ATP2C1: variants seen among roughly 807,000 people sequenced by gnomAD.
ATP2C1 encodes calcium-transporting ATPase type 2C member 1.
ATP2C1 carries 31 observed loss-of-function variants against 120.5 expected under a neutral mutation model. The observed-to-expected ratio is 0.26, with a 90% CI of 0.19 to 0.35. The LOEUF (loss-of-function observed/expected upper bound fraction) is 0.35, where lower values mean the gene tolerates loss of function less well. Ranked by LOEUF, ATP2C1 falls within the 10% of genes least tolerant of loss-of-function variation. ATP2C1 has a pLI of 1.00. For missense variants in ATP2C1, 731 were observed against 1,107.5 expected (o/e 0.66, Z 4.83); for synonymous variants, 351 against 358.7 (o/e 0.98, Z 0.24).
chr3:131,010,885 T>G (rs954372600), intron 26 of ATP2C1, among the ~76,000 whole-genome samples: 1 of 152,234 alleles, frequency 6.6e-6, no homozygotes, highest in African/African-American at 2.4e-5. Context: ...CCCACATTCC[T>G]TGCTTTGCCC....
At chr3:130,928,096 C>T (rs567844028) in intron 2 of ATP2C1, 17 of 152,474 alleles carry the variant, frequency 1.1e-4, no homozygotes, top group African/African-American at 3.8e-4. Context: ...CACTCTTCAT[C>T]TCCTTGTATT....
At chr3:130,880,715 CT>C (rs1226534311) in intron 1 of ATP2C1, among the ~76,000 whole-genome samples, 1 of 152,184 alleles carries the variant, frequency 6.6e-6, no homozygotes, top group Non-Finnish European at 1.5e-5. Flanking sequence ...CAAAAACCAT[CT>C]CATTGATATG....
chr3:130,889,358 T>C (rs550345910), upstream of ATP2C1, among the ~76,000 whole-genome samples: 2 of 152,320 alleles, frequency 1.3e-5, no homozygotes, highest in East Asian at 3.9e-4. Context: ...GGACCTAGTG[T>C]ACAATGCTTT....
At chr3:130,929,626 G>A (rs759733815) in intron 2 of ATP2C1, among the ~76,000 whole-genome samples, 4 of 152,158 alleles carry the variant, frequency 2.6e-5, no homozygotes, top group Non-Finnish European at 5.9e-5. Flanking sequence ...GGCAGCTTTT[G>A]TCTCCCTTCT....
At chr3:130,983,648 T>C (rs892653079) in intron 20 of ATP2C1, among the ~76,000 whole-genome samples, 1 of 152,250 alleles carries the variant, frequency 6.6e-6, no homozygotes, top group African/African-American at 2.4e-5. Context: ...TGAAAATCCC[T>C]GTGTTTGACG....
chr3:130,872,055 G>A (rs1038308486), intron 1 of ATP2C1, among the ~76,000 whole-genome samples: 10 of 150,888 alleles, frequency 6.6e-5, no homozygotes, highest in Middle Eastern at 3.5e-3. Flanking sequence ...TTTAAGCAAT[G>A]TCTTGGCCCT....
chr3:130,923,185 T>C (rs2059041877), intron 2 of ATP2C1, among the ~76,000 whole-genome samples: 1 of 152,134 alleles, frequency 6.6e-6, no homozygotes, highest in Admixed American at 6.5e-5. Flanking sequence ...ATTTTCCTGT[T>C]GTACTAGTCC....
At chr3:130,991,306 T>C in intron 20 of ATP2C1, among the ~76,000 whole-genome samples, 1 of 152,180 alleles carries the variant, frequency 6.6e-6, no homozygotes, top group Non-Finnish European at 1.5e-5. Context: ...GAAATGACTG[T>C]AGGCATTAGC....
chr3:130,994,303 A>T (rs1360642683), intron 22 of ATP2C1, among the ~76,000 whole-genome samples: 1 of 152,220 alleles, frequency 6.6e-6, no homozygotes, highest in African/African-American at 2.4e-5. Flanking sequence ...CAGGACCCTC[A>T]TTTAAGAAGT....
intron 2 of ATP2C1, among the ~76,000 whole-genome samples, chr3:130,917,471 T>C (rs1301700555): frequency 6.6e-6 from 1 of 152,216 alleles, no homozygotes; most frequent in Non-Finnish European, 1.5e-5. Context: ...TGCAATTGTG[T>C]TTAACACATA....
chr3:131,014,814 G>A (rs1036995035), intron 26 of ATP2C1, among the ~76,000 whole-genome samples: 13 of 152,150 alleles, frequency 8.5e-5, no homozygotes, highest in Admixed American at 2.6e-4. Flanking sequence ...AATAGAAGAT[G>A]GGATTAATTG....
At chr3:130,995,992 A>G (rs1560029386) in intron 22 of ATP2C1, 51 bp from the exon 23 acceptor site, 2 of 1,203,188 alleles carry the variant, frequency 1.7e-6, no homozygotes, top group Admixed American at 1.7e-5. Context: ...GTATAGATAC[A>G]TTTTTGTATG....
At chr3:130,885,914 C>T (rs886736155) in intron 1 of ATP2C1, among the ~76,000 whole-genome samples, 1 of 152,082 alleles carries the variant, frequency 6.6e-6, no homozygotes, top group Non-Finnish European at 1.5e-5. Flanking sequence ...TAGATAAACA[C>T]GTCATGAGGG....
chr3:130,982,270 AC>A (rs1288525069), intron 20 of ATP2C1, among the ~76,000 whole-genome samples: 2 of 152,206 alleles, frequency 1.3e-5, no homozygotes, highest in Non-Finnish European at 2.9e-5. Context: ...TGTTGAAAAG[AC>A]TGTCCTTTTT....
intron 2 of ATP2C1, among the ~76,000 whole-genome samples, chr3:130,897,226 A>G (rs1559893775): frequency 6.6e-6 from 1 of 152,186 alleles, no homozygotes; most frequent in Non-Finnish European, 1.5e-5. Flanking sequence ...TTTCTATGGC[A>G]TTAGTGCTTT....
At chr3:130,954,469 G>A (rs9829435) in intron 9 of ATP2C1, among the ~76,000 whole-genome samples, 11,173 of 152,102 alleles carry the variant, frequency 0.073, 566 homozygotes, top group Non-Finnish European at 0.11. Context: ...GCAAAAAATA[G>A]GCCTCAGAAT....
chr3:130,956,008 G>A, intron 10 of ATP2C1, 96 bp from the exon 11 acceptor site: 1 of 807,592 alleles, frequency 1.2e-6, no homozygotes, highest in Non-Finnish European at 2.2e-6. Flanking sequence ...GGTTAACTTA[G>A]GAATTGCTTT....
chr3:130,947,286 T>C (rs1312778922), intron 8 of ATP2C1, among the ~76,000 whole-genome samples: 1 of 152,216 alleles, frequency 6.6e-6, no homozygotes, highest in Non-Finnish European at 1.5e-5. Flanking sequence ...TTTTTTGAGA[T>C]ATAATGTGCA....
Position 130,999,508 on chromosome 3 carries a change from C to T in ATP2C1, c.2488-10C>T. ...AGGAGTAATAAATGAACTCTCTGCT[C>T]TGCCAACAGACCAAGTCTGTGTTTG... On this transcript the variant is annotated splice_polypyrimidine_tract_variant and intron_variant, in intron 26 of 27. Coordinates refer to ENST00000510168, the MANE Select transcript of ATP2C1 (RefSeq NM_001378687.1). 2 of 1,613,414 alleles carry T rather than the reference C, an allele frequency of 1.2e-6. No homozygotes were observed. Among genetic ancestry groups the T allele is most frequent in the Non-Finnish European group, 1.7e-6 (2 of 1,179,606 alleles).
Sources: allele counts gnomAD v4.1 joint callset (sites outside exome capture counted in the v4.1 genomes callset), GRCh38; gene constraint gnomAD v4.1.1; transcripts MANE v1.5; gene names NCBI Gene and HGNC (gene_info 2026-07-23, HGNC 2026-07-21).